Variants in TMEM132C observed in about 807,000 individuals in gnomAD.
The protein encoded by TMEM132C is protein phosphatase 1, regulatory subunit 152.
Under a neutral mutation model 61.4 loss-of-function variants are expected in TMEM132C, and 29 were observed. The observed-to-expected ratio is 0.47, with a 90% CI of 0.35 to 0.64. The LOEUF (loss-of-function observed/expected upper bound fraction) is 0.64. Among genes scored for constraint, TMEM132C ranks in the 30% least tolerant of loss-of-function variants. The probability of loss-of-function intolerance (pLI) is 0.00; values close to 1 mark genes in which losing one functional copy is unlikely to be tolerated. For synonymous variants in TMEM132C, 656 were observed against 633.1 expected (o/e 1.04, Z -0.54); for missense variants, 1,408 against 1,476.9 (o/e 0.95, Z 0.76).
At chr12:128,316,290 G>T (rs567630857) in intron 1 of TMEM132C, among the ~76,000 whole-genome samples, 7 of 152,246 alleles carry the variant, frequency 4.6e-5, no homozygotes, top group Admixed American at 3.9e-4. Flanking sequence ...GTCCCACATG[G>T]GCTACACATC....
chr12:128,656,223 A>T (rs1954324230), intron 4 of TMEM132C, among the ~76,000 whole-genome samples: 1 of 151,920 alleles, frequency 6.6e-6, no homozygotes, highest in Admixed American at 6.6e-5. Flanking sequence ...GCTAATTTTT[A>T]TATTTTTAGT....
At chr12:128,632,699 C>T (rs555385705) in intron 4 of TMEM132C, among the ~76,000 whole-genome samples, 6 of 152,316 alleles carry the variant, frequency 3.9e-5, no homozygotes, top group African/African-American at 1.2e-4. Flanking sequence ...ACCATGTGTG[C>T]AGAATCAATA....
chr12:128,439,460 G>A (rs1869710950), intron 2 of TMEM132C, among the ~76,000 whole-genome samples: 1 of 152,198 alleles, frequency 6.6e-6, no homozygotes, highest in African/African-American at 2.4e-5. Flanking sequence ...TTCTGAGTTT[G>A]TAGAATGAGA....
chr12:128,651,348 G>A (rs538020119), intron 4 of TMEM132C, among the ~76,000 whole-genome samples: 18 of 152,292 alleles, frequency 1.2e-4, no homozygotes, highest in Middle Eastern at 3.4e-3. Flanking sequence ...TTCAGACAAC[G>A]ACTCCATCCA....
intron 1 of TMEM132C, among the ~76,000 whole-genome samples, chr12:128,273,674 T>C (rs978954153): frequency 1.3e-5 from 2 of 152,202 alleles, no homozygotes; most frequent in Non-Finnish European, 2.9e-5. Context: ...TTATCTCCAC[T>C]ATTGGCTTAT....
At chr12:128,436,967 T>TA (rs1238938717) in intron 2 of TMEM132C, among the ~76,000 whole-genome samples, 3 of 151,996 alleles carry the variant, frequency 2.0e-5, no homozygotes, top group Admixed American at 6.5e-5. Context: ...TATGCAGCCA[T>TA]AAAAAAGGAT....
intron 5 of TMEM132C, among the ~76,000 whole-genome samples, chr12:128,675,074 T>C (rs1254562048): frequency 2.6e-5 from 4 of 152,172 alleles, no homozygotes; most frequent in African/African-American, 9.7e-5. Flanking sequence ...CTTCCTCACT[T>C]TTCCTTTTTC....
intron 2 of TMEM132C, among the ~76,000 whole-genome samples, chr12:128,524,032 A>AAAAAAG (rs1565962024): frequency 6.7e-6 from 1 of 148,162 alleles, no homozygotes; most frequent in Non-Finnish European, 1.5e-5. Flanking sequence ...AAAAAAAAAA[A>AAAAAAG]AAAAAGCTTG....
chr12:128,676,274 A>G (rs376924216), intron 5 of TMEM132C, among the ~76,000 whole-genome samples: 2 of 152,134 alleles, frequency 1.3e-5, no homozygotes, highest in East Asian at 3.8e-4. Context: ...TTTTTAAATA[A>G]AATATTCCTC....
Position 128,697,423 on chromosome 12 carries a change from G to A in TMEM132C, c.2121+8G>A. The stretch of plus-strand genomic sequence containing the variant: ...CTGCGGACCCCCAAACAGGTAGGGG[G>A]CCAAATGCCAGAGGTTCAGAGGGAG... On this transcript the variant is annotated splice_region_variant and intron_variant, in intron 8 of 8. Transcript: ENST00000435159. 1.3e-6 allele frequency: 2 copies of A among 1,525,972 alleles called. No homozygotes were observed. The highest frequency in any genetic ancestry group is 1.2e-5 in the South Asian group (1 of 82,192). The allele number at this position is 1,525,972 out of a possible 1,614,324, so 94.5% of individuals were successfully genotyped here.
intron 2 of TMEM132C, among the ~76,000 whole-genome samples, chr12:128,463,533 G>C (rs977993931): frequency 6.6e-6 from 1 of 152,056 alleles, no homozygotes; most frequent in Non-Finnish European, 1.5e-5. Flanking sequence ...TGGCCAGGCT[G>C]GTCTGGAACT....
intron 2 of TMEM132C, among the ~76,000 whole-genome samples, chr12:128,508,112 G>T (rs553252303): frequency 6.6e-6 from 1 of 152,300 alleles, no homozygotes; most frequent in African/African-American, 2.4e-5. Context: ...AGACTGGGAA[G>T]AAAAAGAGGT....
chr12:128,297,993 C>T (rs1308136944), intron 1 of TMEM132C, among the ~76,000 whole-genome samples: 1 of 152,172 alleles, frequency 6.6e-6, no homozygotes, highest in East Asian at 1.9e-4. Flanking sequence ...GTTAGTTTCC[C>T]TGTTTTGCTT....
At chr12:128,449,698 T>A (rs1870116897) in intron 2 of TMEM132C, among the ~76,000 whole-genome samples, 1 of 152,194 alleles carries the variant, frequency 6.6e-6, no homozygotes, top group African/African-American at 2.4e-5. Flanking sequence ...TACAAACTAA[T>A]CATGCTGTAA....
chr12:128,421,209 A>G (rs1008219669), intron 2 of TMEM132C, among the ~76,000 whole-genome samples: 2 of 152,178 alleles, frequency 1.3e-5, no homozygotes, highest in African/African-American at 4.8e-5. Flanking sequence ...GCCTCTGTGT[A>G]TGCATAGCTA....
At chr12:128,435,271 A>C (rs547840399) in intron 2 of TMEM132C, among the ~76,000 whole-genome samples, 1 of 152,260 alleles carries the variant, frequency 6.6e-6, no homozygotes, top group East Asian at 1.9e-4. Context: ...CTAAGAAACT[A>C]GTGCACCAGG....
intron 2 of TMEM132C, among the ~76,000 whole-genome samples, chr12:128,432,283 G>A (rs1252710998): frequency 6.6e-6 from 1 of 152,152 alleles, no homozygotes; most frequent in African/African-American, 2.4e-5. Flanking sequence ...GAGTCATTTT[G>A]ACTTTTGAGT....
intron 3 of TMEM132C, among the ~76,000 whole-genome samples, chr12:128,598,373 T>C (rs1005949415): frequency 1.3e-4 from 20 of 152,080 alleles, no homozygotes; most frequent in African/African-American, 4.3e-4. Flanking sequence ...GAGGCGGAGA[T>C]TGCAGTGAGC....
At chr12:128,396,356 A>T (rs1874955146) in intron 1 of TMEM132C, among the ~76,000 whole-genome samples, 1 of 147,496 alleles carries the variant, frequency 6.8e-6, no homozygotes, top group African/African-American at 2.6e-5. Flanking sequence ...GGTCACAGGG[A>T]GGGGAACATC....
Sources: allele counts gnomAD v4.1 joint callset (sites outside exome capture counted in the v4.1 genomes callset), GRCh38; gene constraint gnomAD v4.1.1; transcripts MANE v1.5; gene names NCBI Gene and HGNC (gene_info 2026-07-23, HGNC 2026-07-21).